OSBPL11: variants seen among roughly 807,000 people sequenced by gnomAD.
OSBPL11 encodes oxysterol-binding protein-related protein 11.
A neutral mutation model predicts 84.4 loss-of-function variants in OSBPL11; 33 were observed. That is an observed-to-expected ratio of 0.39 (90% CI 0.30 to 0.52). The LOEUF (loss-of-function observed/expected upper bound fraction) is 0.52, where lower values mean the gene tolerates loss of function less well. Among genes scored for constraint, OSBPL11 ranks in the 20% least tolerant of loss-of-function variants. The pLI is 0.72. For synonymous variants in OSBPL11, 276 were observed against 310.2 expected (o/e 0.89, Z 1.16); for missense variants, 736 against 901.1 (o/e 0.82, Z 2.35).
At chr3:125,593,565 A>C (rs960895909) in intron 1 of OSBPL11, among the ~76,000 whole-genome samples, 1 of 151,592 alleles carries the variant, frequency 6.6e-6, no homozygotes, top group Admixed American at 6.6e-5. Flanking sequence ...GGTGGTAGTG[A>C]GCCGAGATCG....
chr3:125,555,565 C>T (rs1935980475), intron 8 of OSBPL11, among the ~76,000 whole-genome samples: 1 of 152,050 alleles, frequency 6.6e-6, no homozygotes, highest in South Asian at 2.1e-4. Flanking sequence ...AATACCAAGA[C>T]ATGATAAAGA....
chr3:125,567,742 C>T (rs924474296), intron 5 of OSBPL11, 147 bp from the exon 6 acceptor site: 9 of 666,862 alleles, frequency 1.3e-5, no homozygotes, highest in Middle Eastern at 4.2e-4. Flanking sequence ...CCTATAATCC[C>T]GGCATTTTGG....
intron 8 of OSBPL11, among the ~76,000 whole-genome samples, chr3:125,556,318 T>C (rs190269865): frequency 1.3e-5 from 2 of 152,332 alleles, no homozygotes; most frequent in East Asian, 1.9e-4. Flanking sequence ...CAAGTGTATC[T>C]GTATTTGGCT....
chr3:125,587,409 T>C (rs1391844667), intron 1 of OSBPL11, among the ~76,000 whole-genome samples: 1 of 152,062 alleles, frequency 6.6e-6, no homozygotes, highest in African/African-American at 2.4e-5. Flanking sequence ...GCAGCATGAT[T>C]AGGGCTTGGT....
chr3:125,531,293 CT>C (rs774229724), intron 12 of OSBPL11, among the ~76,000 whole-genome samples: 215 of 131,370 alleles, frequency 1.6e-3, no homozygotes, highest in Middle Eastern at 4.6e-3. Flanking sequence ...GCTCATTTTT[CT>C]TTTTTTTTTT....
chr3:125,582,203 C>T (rs1359482354), intron 2 of OSBPL11, among the ~76,000 whole-genome samples: 1 of 151,264 alleles, frequency 6.6e-6, no homozygotes, highest in Non-Finnish European at 1.5e-5. Context: ...GGTATGGTGG[C>T]GCATGCCTGT....
rs551573769 is a variant in OSBPL11, at chr3:125,532,548, A to AG, written c.2025-535dup. On this transcript the variant is annotated intron_variant, in intron 11 of 12. Coordinates refer to ENST00000296220, the MANE Select transcript of OSBPL11 (RefSeq NM_022776.5). ...TCCAGAGTGTTTCTAGGCCACGCAC[A>AG]GGGAGAGGGAAGCTTAACAAATCTC... Among the ~76,000 whole-genome samples, 360 of 149,480 alleles carry AG rather than the reference A, an allele frequency of 2.4e-3. 4 individuals are homozygous for AG. The highest frequency in any genetic ancestry group is 8.2e-3 in the African/African-American group (330 of 40,484).
At chr3:125,540,328 C>CAAAAAAAAAAAAAAAAA (rs201858368) in intron 10 of OSBPL11, among the ~76,000 whole-genome samples, 3 of 85,336 alleles carry the variant, frequency 3.5e-5, no homozygotes, top group Non-Finnish European at 6.4e-5. Flanking sequence ...GGCTCTGTCT[C>CAAAAAAAAAAAAAAAAA]AAAAAAAAAA....
At chr3:125,557,159 T>C (rs962402903) in intron 8 of OSBPL11, among the ~76,000 whole-genome samples, 9 of 152,180 alleles carry the variant, frequency 5.9e-5, no homozygotes, top group African/African-American at 2.2e-4. Flanking sequence ...TATAATTTCA[T>C]AATATTATTT....
chr3:125,569,750 G>C (rs554334558), intron 5 of OSBPL11, among the ~76,000 whole-genome samples: 1 of 152,252 alleles, frequency 6.6e-6, no homozygotes, highest in South Asian at 2.1e-4. Context: ...CAATGAAAAG[G>C]AACAGTTACA....
Position 125,563,804 on chromosome 3 carries a change from G to C in OSBPL11, c.908C>G (p.Ser303Ter). 1 of 1,614,122 alleles carries C rather than the reference G, an allele frequency of 6.2e-7. No homozygotes were observed. The highest frequency in any genetic ancestry group is 8.5e-7 in the Non-Finnish European group (1 of 1,180,012). The stretch of plus-strand genomic sequence containing the variant: ...GTCAGCTCCATTTTTATAGTGGTTT[G>C]ATAAAGATATCTTTGGTTCTAACCA... ...IEWLEPKISL[S>*]NHYKNGADQP... The change falls in exon 7 of 13, where the codon TCA becomes TGA. Residue 303 changes from serine (S) to a stop codon, truncating the protein, a stop_gained. Coordinates refer to ENST00000296220, the MANE Select transcript of OSBPL11 (RefSeq NM_022776.5). LOFTEE classifies it high-confidence loss of function.
In OSBPL11 at chr3:125,594,668, GGCT is replaced by G. The variant is rs746486365; in HGVS notation, c.130_132del (p.Ser44del). On this transcript the variant is annotated inframe_deletion, in exon 1 of 13. Coordinates refer to ENST00000296220, the MANE Select transcript of OSBPL11 (RefSeq NM_022776.5). The stretch of plus-strand genomic sequence containing the variant: ...TGCCAGCCTTTTGCACTGCCACCGC[GGCT>G]GCTGCTGCTGCTACTGATTCCACCT... The G allele has an allele frequency of 1.9e-6, 3 of 1,613,660 alleles. No homozygotes were observed. The highest frequency in any genetic ancestry group is 1.7e-6 in the Non-Finnish European group (2 of 1,179,898).
chr3:125,537,769 C>T (rs536296230), intron 11 of OSBPL11, among the ~76,000 whole-genome samples: 4 of 152,200 alleles, frequency 2.6e-5, no homozygotes, highest in South Asian at 2.1e-4. Context: ...AAAATTAAGT[C>T]TCTTTCCTAT....
chr3:125,585,251 C>T (rs1936488217), intron 1 of OSBPL11, among the ~76,000 whole-genome samples: 1 of 152,128 alleles, frequency 6.6e-6, no homozygotes, highest in African/African-American at 2.4e-5. Flanking sequence ...CTGCCTCTGC[C>T]TGCCAAGTAG....
In OSBPL11 at chr3:125,547,693, A is replaced by C. The variant is rs1430022248; in HGVS notation, c.1655-101T>G. 7 of 894,712 alleles carry C rather than the reference A, an allele frequency of 7.8e-6. No individual in the cohort carries two copies. In the African/African-American group the frequency reaches 1.0e-4, roughly 13 times the overall value. 55.4% of individuals were successfully genotyped at this position (894,712 alleles called of 1,614,324 possible). ...TCTTGTCTAGTAAATAAGCATCATTATTTTTCCTAACCTTCATTTAACTTT... is the reference window on the plus strand; with the variant it reads ...TCTTGTCTAGTAAATAAGCATCATTCTTTTTCCTAACCTTCATTTAACTTT... On this transcript the variant is annotated intron_variant, in intron 9 of 12. Coordinates refer to ENST00000296220, the MANE Select transcript of OSBPL11 (RefSeq NM_022776.5).
At chr3:125,578,445 T>C (rs950421766) in intron 4 of OSBPL11, among the ~76,000 whole-genome samples, 1 of 152,064 alleles carries the variant, frequency 6.6e-6, no homozygotes, top group African/African-American at 2.4e-5. Flanking sequence ...TGTTCTGAAA[T>C]TAGAAAGCTG....
intron 10 of OSBPL11, among the ~76,000 whole-genome samples, chr3:125,544,203 G>A (rs1366934277): frequency 6.6e-6 from 1 of 151,464 alleles, no homozygotes; most frequent in Non-Finnish European, 1.5e-5. Context: ...TTACAGGCAT[G>A]CACCACCACG....
chr3:125,569,026 T>C (rs1936204026), intron 5 of OSBPL11, among the ~76,000 whole-genome samples: 1 of 152,112 alleles, frequency 6.6e-6, no homozygotes, highest in South Asian at 2.1e-4. Context: ...CGGCTCACTG[T>C]AGCCTTGACT....
intron 8 of OSBPL11, among the ~76,000 whole-genome samples, chr3:125,556,197 G>A (rs1420133818): frequency 6.6e-6 from 1 of 152,220 alleles, no homozygotes; most frequent in South Asian, 2.1e-4. Flanking sequence ...CCAGATTAGA[G>A]TGATGTGACT....
Sources: allele counts gnomAD v4.1 joint callset (sites outside exome capture counted in the v4.1 genomes callset), GRCh38; gene constraint gnomAD v4.1.1; transcripts MANE v1.5; gene names NCBI Gene and HGNC (gene_info 2026-07-23, HGNC 2026-07-21).